Variants in COG5 observed in about 807,000 individuals in gnomAD.
The protein encoded by COG5 is component of oligomeric golgi complex 5.
Under a neutral mutation model 110.4 loss-of-function variants are expected in COG5, and 86 were observed. The observed-to-expected ratio is 0.78, with a 90% CI of 0.65 to 0.93. The LOEUF is 0.93. Ranked by LOEUF, COG5 falls within the 40% of genes least tolerant of loss-of-function variation. The pLI is 0.00. For missense variants in COG5, 1,077 were observed against 987.0 expected (o/e 1.09, Z -1.22); for synonymous variants, 360 against 334.6 (o/e 1.08, Z -0.83).
intron 6 of COG5, among the ~76,000 whole-genome samples, chr7:107,470,912 T>C (rs1796594743): frequency 6.6e-6 from 1 of 151,932 alleles, no homozygotes; most frequent in Non-Finnish European, 1.5e-5. Context: ...TGGAAATTTA[T>C]AGTATCTTAT....
intron 14 of COG5, among the ~76,000 whole-genome samples, chr7:107,273,925 A>G (rs908952523): frequency 6.6e-6 from 1 of 152,220 alleles, no homozygotes; most frequent in South Asian, 2.1e-4. Flanking sequence ...AGAAAATGTG[A>G]TAAGAGGTCA....
intron 7 of COG5, among the ~76,000 whole-genome samples, chr7:107,398,744 AG>A (rs1485287117): frequency 2.6e-5 from 4 of 152,252 alleles, no homozygotes; most frequent in African/African-American, 9.6e-5. Context: ...TAAAATTTTC[AG>A]AAAAAAACTA....
intron 10 of COG5, among the ~76,000 whole-genome samples, chr7:107,355,108 T>G (rs1812508127): frequency 6.6e-6 from 1 of 152,198 alleles, no homozygotes; most frequent in Non-Finnish European, 1.5e-5. Flanking sequence ...AGCAGGACAG[T>G]TTGTTTTTTC....
chr7:107,459,027 T>G (rs1188311691), intron 6 of COG5, among the ~76,000 whole-genome samples: 1 of 150,342 alleles, frequency 6.7e-6, no homozygotes, highest in East Asian at 1.9e-4. Flanking sequence ...CAAAAAAGGG[T>G]AGGAAACAGA....
Position 107,527,321 on chromosome 7 carries a change from A to G in COG5, c.454T>C (p.Leu152=), listed in dbSNP as rs200107630. The G allele has an allele frequency of 1.0e-4, 168 of 1,613,408 alleles. 1 individual carries two copies. The highest frequency in any genetic ancestry group is 4.9e-4 in the Middle Eastern group (3 of 6,084). ...CDLLRRIIRI[L]NLSKRLQGQL... ...CCTTGGAGTCTCTTACTGAGATTCA[A>G]GATACGAATAATCCTCCGAAGCAAA... The change falls in exon 6 of 22, where the codon TTG becomes CTG. Residue 152 remains leucine, a synonymous_variant. Coordinates refer to ENST00000297135, the MANE Select transcript of COG5 (RefSeq NM_006348.5).
intron 6 of COG5, among the ~76,000 whole-genome samples, chr7:107,451,744 TTTC>T (rs1795355577): frequency 6.6e-6 from 1 of 152,198 alleles, no homozygotes. Flanking sequence ...TTCTTATCAT[TTTC>T]TTAATAACAT....
chr7:107,456,294 A>T (rs1216021871), intron 6 of COG5, among the ~76,000 whole-genome samples: 1 of 152,222 alleles, frequency 6.6e-6, no homozygotes, highest in African/African-American at 2.4e-5. Flanking sequence ...AAGAAGTGCC[A>T]TGACAATTAA....
intron 6 of COG5, among the ~76,000 whole-genome samples, chr7:107,521,157 A>G (rs925176881): frequency 5.3e-5 from 8 of 152,272 alleles, no homozygotes; most frequent in African/African-American, 1.4e-4. Context: ...GATAGATTAA[A>G]GACTTAAATG....
At chr7:107,255,069 G>T (rs1036490606) in intron 16 of COG5, among the ~76,000 whole-genome samples, 1 of 152,062 alleles carries the variant, frequency 6.6e-6, no homozygotes, top group Non-Finnish European at 1.5e-5. Flanking sequence ...TGCTTATTAC[G>T]TATGAGGGCA....
chr7:107,278,948 A>G lies in COG5; in HGVS notation c.1575+2352T>C, dbSNP rs184435490. On this transcript the variant is annotated intron_variant, in intron 14 of 21. Coordinates refer to ENST00000297135, the MANE Select transcript of COG5 (RefSeq NM_006348.5). The stretch of plus-strand genomic sequence containing the variant: ...CAAAATTGACAAATGGGATCTAATT[A>G]AACTAAAGAGCTTCTGCATAGCCAA... Among the ~76,000 whole-genome samples the G allele has an allele frequency of 3.3e-3, 505 of 152,344 alleles. 5 individuals are homozygous for G. The highest frequency in any genetic ancestry group is 0.012 in the African/African-American group (480 of 41,584).
chr7:107,318,306 A>G (rs1161731731), intron 11 of COG5, among the ~76,000 whole-genome samples: 3 of 152,156 alleles, frequency 2.0e-5, no homozygotes, highest in Non-Finnish European at 4.4e-5. Flanking sequence ...GATTACAGGC[A>G]TGAGCCATAG....
chr7:107,291,181 A>G (rs1040376173), intron 12 of COG5, among the ~76,000 whole-genome samples: 8 of 152,140 alleles, frequency 5.3e-5, no homozygotes, highest in Non-Finnish European at 1.5e-5. Context: ...TGGTATTCCT[A>G]TAACATAGAT....
intron 11 of COG5, among the ~76,000 whole-genome samples, chr7:107,311,462 C>T (rs933921461): frequency 1.7e-4 from 23 of 133,612 alleles, no homozygotes; most frequent in Admixed American, 3.4e-4. Context: ...GGCGCAATCT[C>T]GGCTCACTGC....
chr7:107,443,706 C>T (rs1160521754), intron 6 of COG5, among the ~76,000 whole-genome samples: 1 of 152,132 alleles, frequency 6.6e-6, no homozygotes, highest in African/African-American at 2.4e-5. Flanking sequence ...TTATGGTGGA[C>T]TCAATCTCTT....
chr7:107,522,352 C>A (rs904755654), intron 6 of COG5, among the ~76,000 whole-genome samples: 1 of 152,174 alleles, frequency 6.6e-6, no homozygotes, highest in Admixed American at 6.6e-5. Context: ...CCTGTAATCC[C>A]GGCTACTCAG....
chr7:107,316,865 G>C (rs1808812593), intron 11 of COG5, among the ~76,000 whole-genome samples: 1 of 151,606 alleles, frequency 6.6e-6, no homozygotes. Context: ...GATAATCACT[G>C]ACAAGTAAAT....
At chr7:107,486,233 A>G (rs1797649221) in intron 6 of COG5, among the ~76,000 whole-genome samples, 1 of 152,138 alleles carries the variant, frequency 6.6e-6, no homozygotes, top group Non-Finnish European at 1.5e-5. Context: ...TTCTATTTCC[A>G]TCATCATAGT....
chr7:107,479,297 T>C (rs914672068), intron 6 of COG5, among the ~76,000 whole-genome samples: 1 of 152,016 alleles, frequency 6.6e-6, no homozygotes, highest in Non-Finnish European at 1.5e-5. Context: ...GAAAGTTAAA[T>C]TTGGGTCATA....
chr7:107,372,589 C>T lies in COG5; in HGVS notation c.835+6G>A, dbSNP rs2129050084. The stretch of plus-strand genomic sequence containing the variant: ...TAAAGAAGCTAAATATAAACCACAT[C>T]CATACCTCTCACAGCTGACTGGGAA... On this transcript the variant is annotated splice_donor_region_variant and intron_variant, in intron 8 of 21. Coordinates refer to ENST00000297135, the MANE Select transcript of COG5 (RefSeq NM_006348.5). The T allele has an allele frequency of 3.1e-6, 5 of 1,612,950 alleles. No homozygotes were observed. Among genetic ancestry groups the T allele is most frequent in the Non-Finnish European group, 4.2e-6 (5 of 1,179,378 alleles).
Sources: gnomAD v4.1 joint callset for allele counts (sites outside exome capture counted in the v4.1 genomes callset) on GRCh38, gnomAD v4.1.1 for gene constraint, MANE v1.5 for transcripts, NCBI Gene and HGNC (gene_info 2026-07-23, HGNC 2026-07-21) for gene names.